The following PI4KA variants were observed in gnomAD, a reference collection of about 807,000 sequenced individuals.
The protein encoded by PI4KA is phosphatidylinositol 4-kinase alpha, also known as PI4-kinase alpha.
In PI4KA, 122 loss-of-function variants were observed where a neutral mutation model predicts 271.4. The ratio of observed to expected loss-of-function variants is 0.45; its 90% CI spans 0.39 to 0.52. The LOEUF (loss-of-function observed/expected upper bound fraction) is 0.52. Ranked by LOEUF, PI4KA falls within the 20% of genes least tolerant of loss-of-function variation. The pLI is 0.00. For missense variants in PI4KA, 1,969 were observed against 2,769.1 expected (o/e 0.71, Z 6.48); for synonymous variants, 1,041 against 1,078.8 (o/e 0.96, Z 0.69).
Position 20,858,667 on chromosome 22 carries a change from G to GAGC in PI4KA, c.56_58dup (p.Cys19dup). 5 of 1,474,756 alleles carry GAGC rather than the reference G, an allele frequency of 3.4e-6. No individual in the cohort carries two copies. The highest frequency in any genetic ancestry group is 4.5e-6 in the Non-Finnish European group (5 of 1,120,110). The allele number at this position is 1,474,756 out of a possible 1,614,324, so 91.4% of individuals were successfully genotyped here. A position where few individuals can be genotyped will look rare whatever the true frequency, so the allele number is the denominator to read the frequency against. On this transcript the variant is annotated inframe_insertion, in exon 1 of 55. Coordinates refer to ENST00000255882, the MANE Select transcript of PI4KA (RefSeq NM_058004.4). ...CCGCGAGGCGCTGGAGCCGGAGCCG[G>GAGC]AGCAGCCGCCGCCGCCTCCGCCTCC...
intron 9 of PI4KA, among the ~76,000 whole-genome samples, chr22:20,808,318 G>A (rs1601543520): frequency 6.6e-6 from 1 of 151,576 alleles, no homozygotes; most frequent in East Asian, 2.0e-4. Flanking sequence ...GGGTGCAGTG[G>A]CTCTCGCCTG....
chr22:20,796,342 C>T (rs1934985328), intron 17 of PI4KA, 28 bp from the exon 18 acceptor site: 1 of 1,601,298 alleles, frequency 6.2e-7, no homozygotes, highest in South Asian at 1.1e-5. Flanking sequence ...AAATAACAGC[C>T]ACTGCCAGGC....
intron 3 of PI4KA, among the ~76,000 whole-genome samples, chr22:20,826,901 T>A (rs970128919): frequency 2.4e-5 from 1 of 41,204 alleles, no homozygotes; most frequent in Non-Finnish European, 4.8e-5. Context: ...TAACGGGGTT[T>A]TTTTTTTGTT....
chr22:20,767,529 T>C (rs905418686), intron 19 of PI4KA, among the ~76,000 whole-genome samples: 3 of 151,766 alleles, frequency 2.0e-5, no homozygotes, highest in African/African-American at 7.3e-5. Flanking sequence ...GGCACAATCA[T>C]CACTGCAGCA....
At chr22:20,720,245 T>C (rs1926575328) in intron 43 of PI4KA, among the ~76,000 whole-genome samples, 1 of 152,020 alleles carries the variant, frequency 6.6e-6, no homozygotes, top group African/African-American at 2.4e-5. Context: ...GCATGAGAAG[T>C]TTACTGCCAA....
intron 1 of PI4KA, among the ~76,000 whole-genome samples, chr22:20,851,405 A>G (rs563349758): frequency 3.9e-5 from 6 of 152,060 alleles, no homozygotes; most frequent in African/African-American, 1.4e-4. Context: ...GCCGTGGTGC[A>G]ATCTCAGCTC....
intron 29 of PI4KA, among the ~76,000 whole-genome samples, chr22:20,745,429 A>G (rs1238804575): frequency 6.6e-6 from 1 of 152,112 alleles, no homozygotes; most frequent in East Asian, 1.9e-4. Context: ...CTTTAGCATC[A>G]GTACTAATGG....
rs764353481 is a variant in PI4KA, at chr22:20,807,411, G to A, written c.1119C>T (p.Leu373=). ...GCAGCATCTTGAACATGGTCAGGTA[G>A]AGAGGGTCACTGAAGGAAGTGTAGT... ...DLYYTSFSDP[L]YLTMFKMLRD... is the part of the protein sequence containing the mutation. The change falls in exon 10 of 55, where the codon CTC becomes CTT. Residue 373 remains leucine, a synonymous_variant. Transcript: ENST00000255882. The A allele has an allele frequency of 6.2e-7, 1 of 1,613,694 alleles. No individual in the cohort carries two copies.
At chr22:20,763,444 CTTTTTTTTTTTT>C (rs546470127) in intron 22 of PI4KA, among the ~76,000 whole-genome samples, 1 of 143,484 alleles carries the variant, frequency 7.0e-6, no homozygotes, top group Admixed American at 7.0e-5. Context: ...TTCTTTTTTT[CTTTTTTTTTTTT>C]TGAGACGGAG....
chr22:20,715,895 G>A (rs1016092844), intron 45 of PI4KA, among the ~76,000 whole-genome samples: 20 of 151,422 alleles, frequency 1.3e-4, no homozygotes, highest in Admixed American at 4.6e-4. Context: ...TTCTTTTCTT[G>A]TTTTTGCTTT....
At chr22:20,757,828 G>A (rs943624701) in intron 23 of PI4KA, among the ~76,000 whole-genome samples, 6 of 152,180 alleles carry the variant, frequency 3.9e-5, no homozygotes, top group African/African-American at 1.4e-4. Flanking sequence ...ACAGGCGTGA[G>A]CTACCGCACC....
chr22:20,820,522 C>A lies in PI4KA; in HGVS notation c.529+17G>T. 1.3e-6 allele frequency: 2 copies of A among 1,557,232 alleles called. No homozygotes were observed. Among genetic ancestry groups the A allele is most frequent in the Non-Finnish European group, 1.8e-6 (2 of 1,136,786 alleles). Reference sequence around the variant, plus strand: ...ACCACAAAACCATTTTAAGAAAAACCTTAAGGATACTCGTACCTTTGTCTT... The same window carrying A: ...ACCACAAAACCATTTTAAGAAAAACATTAAGGATACTCGTACCTTTGTCTT... On this transcript the variant is annotated intron_variant, in intron 5 of 54. Coordinates refer to ENST00000255882, the MANE Select transcript of PI4KA (RefSeq NM_058004.4).
intron 32 of PI4KA, among the ~76,000 whole-genome samples, chr22:20,741,869 G>A (rs11704272): frequency 0.063 from 9,649 of 152,202 alleles, 373 homozygotes; most frequent in Non-Finnish European, 0.091. Flanking sequence ...AGGGAAAGGG[G>A]GCTGATCCCA....
chr22:20,807,575 C>A, intron 9 of PI4KA, 117 bp from the exon 10 acceptor site: 1 of 642,772 alleles, frequency 1.6e-6, no homozygotes. Flanking sequence ...CTAAATGAAG[C>A]AACTGTTTAT....
chr22:20,834,616 T>C lies in PI4KA; in HGVS notation c.313A>G (p.Lys105Glu). ...ACCCAATACACTTTTGGAAGACCTTTGAGAAGTCGAAGAAGGTAAGGAACC... is the reference window on the plus strand; with the variant it reads ...ACCCAATACACTTTTGGAAGACCTTCGAGAAGTCGAAGAAGGTAAGGAACC... ...CVVPYLLRLLKGLPKVYWVEE... is the reference protein window; with the variant it reads ...CVVPYLLRLLEGLPKVYWVEE... The change falls in exon 3 of 55, where the codon AAA (lysine) becomes GAA (glutamate). Residue 105 changes from lysine (K) to glutamate (E), a missense_variant. By Grantham distance (56) the Lys-to-Glu change is moderately conservative. Coordinates refer to ENST00000255882, the MANE Select transcript of PI4KA (RefSeq NM_058004.4). The C allele has an allele frequency of 1.2e-6, 2 of 1,611,090 alleles. No individual in the cohort carries two copies. Among genetic ancestry groups the C allele is most frequent in the Non-Finnish European group, 1.7e-6 (2 of 1,177,254 alleles).
At chr22:20,855,147 T>C (rs995657065) in intron 1 of PI4KA, among the ~76,000 whole-genome samples, 4 of 99,868 alleles carry the variant, frequency 4.0e-5, no homozygotes, top group African/African-American at 1.7e-4. Context: ...AGTGAAACTG[T>C]CTCAAAAAAA....
chr22:20,714,386 C>T (rs1246722487), intron 47 of PI4KA, 72 bp downstream of exon 47: 13 of 1,507,282 alleles, frequency 8.6e-6, no homozygotes, highest in Non-Finnish European at 1.2e-5. Flanking sequence ...AAATTTAACA[C>T]ATGCCAGAAG....
chr22:20,786,742 A>C, intron 19 of PI4KA: 1 of 921,946 alleles, frequency 1.1e-6, no homozygotes, highest in Admixed American at 2.0e-5. Context: ...TTCAAGAGTG[A>C]CTCTGACCAG....
intron 3 of PI4KA, among the ~76,000 whole-genome samples, chr22:20,829,964 T>C (rs1425249490): frequency 6.6e-6 from 1 of 152,206 alleles, no homozygotes; most frequent in Non-Finnish European, 1.5e-5. Context: ...ATGCTTTCAG[T>C]GATTTTCTTA....
Sources: gnomAD v4.1 joint callset for allele counts (sites outside exome capture counted in the v4.1 genomes callset) on GRCh38, gnomAD v4.1.1 for gene constraint, MANE v1.5 for transcripts, NCBI Gene and HGNC (gene_info 2026-07-23, HGNC 2026-07-21) for gene names.